ODAD2: variants seen among roughly 807,000 people sequenced by gnomAD.
ODAD2 encodes the protein outer dynein arm docking complex subunit 2.
ODAD2 carries 89 observed loss-of-function variants against 106.8 expected under a neutral mutation model. The ratio of observed to expected loss-of-function variants is 0.83; its 90% CI spans 0.70 to 0.99. The LOEUF is 0.99. ODAD2 is among the 50% of genes least tolerant of loss of function. ODAD2 has a pLI of 0.00. For missense variants in ODAD2, 1,168 were observed against 1,238.5 expected, an observed-to-expected ratio of 0.94 and a Z score of 0.85; for synonymous variants, 404 against 436.2, an observed-to-expected ratio of 0.93 and a Z score of 0.92.
At chr10:27,984,646 A>G (rs10826379) in intron 4 of ODAD2, among the ~76,000 whole-genome samples, 67,403 of 151,892 alleles carry the variant, frequency 0.44, 15,917 homozygotes, top group African/African-American at 0.6. Flanking sequence ...AAATAACAAG[A>G]CCACCTAATG....
In ODAD2 at chr10:27,860,713, T is replaced by C. The variant is rs149687959; in HGVS notation, c.2933A>G (p.Asn978Ser). The stretch of plus-strand genomic sequence containing the variant: ...GGCCTGAGCTGTCGCCCGATGCACG[T>C]TGGTGTCATTTGATTTCAGATAACG... ...LVRYLKSNDT[N>S]VHRATAQALY... The change falls in exon 19 of 20, where the codon AAC (asparagine) becomes AGC (serine). Residue 978 changes from asparagine (N) to serine (S), a missense_variant. Physicochemically the swap from Asn to Ser is conservative, Grantham distance 46 (BLOSUM62 1). Coordinates refer to ENST00000305242, the MANE Select transcript of ODAD2 (RefSeq NM_018076.5). 239 of 1,614,058 alleles carry C rather than the reference T, an allele frequency of 1.5e-4. 2 individuals are homozygous for C. The highest frequency in any genetic ancestry group is 2.6e-4 in the South Asian group (24 of 91,090).
intron 2 of ODAD2, among the ~76,000 whole-genome samples, chr10:27,993,640 ACT>A (rs1451808939): frequency 2.6e-5 from 4 of 152,100 alleles, no homozygotes; most frequent in African/African-American, 9.7e-5. Context: ...AAAGAGCGAG[ACT>A]CTGTCTCCAG....
chr10:27,985,486 T>C (rs1487872288), intron 3 of ODAD2, among the ~76,000 whole-genome samples: 1 of 152,216 alleles, frequency 6.6e-6, no homozygotes, highest in Non-Finnish European at 1.5e-5. Context: ...TCATTCTTTC[T>C]TTTTTAATTG....
At chr10:27,915,342 C>G (rs1029018406) in intron 16 of ODAD2, among the ~76,000 whole-genome samples, 1 of 152,084 alleles carries the variant, frequency 6.6e-6, no homozygotes, top group Non-Finnish European at 1.5e-5. Flanking sequence ...TAAAGGCAGG[C>G]AGATTCAGTG....
chr10:27,822,538 C>T (rs181037676), intron 19 of ODAD2, among the ~76,000 whole-genome samples: 3 of 152,280 alleles, frequency 2.0e-5, no homozygotes, highest in Non-Finnish European at 2.9e-5. Context: ...GGACTGTGTC[C>T]GCCTATGGAA....
At position 27,959,146 on chromosome 10, in the gene ODAD2, G is replaced by A. The variant is rs181504931; in HGVS notation, c.1386+2422C>T. On this transcript the variant is annotated intron_variant, in intron 10 of 19. Transcript: ENST00000305242. ...GAGGCCAGGAGTTCAAGATCAGCCT[G>A]GGAAAGAGAAAAGGAAAGAGGAGAG... 5.7e-3 allele frequency among the ~76,000 whole-genome samples: 779 copies of A among 135,626 alleles called. 6 individuals carry two copies. The highest frequency in any genetic ancestry group is 0.02 in the African/African-American group (728 of 36,238). 89.0% of individuals were successfully genotyped at this position (135,626 alleles called of 152,430 possible). A position where few individuals can be genotyped will look rare whatever the true frequency, so the allele number is the denominator to read the frequency against.
At chr10:27,958,747 A>G (rs1329774326) in intron 10 of ODAD2, 1 of 859,144 alleles carries the variant, frequency 1.2e-6, no homozygotes, top group East Asian at 6.4e-5. Context: ...TATTTCATTT[A>G]ATATTCTTAA....
At chr10:27,906,250 G>A (rs139732355) in intron 17 of ODAD2, among the ~76,000 whole-genome samples, 23,651 of 152,040 alleles carry the variant, frequency 0.16, 1,946 homozygotes, top group Non-Finnish European at 0.17. Context: ...ACCAACAAAC[G>A]TATGAAAAAA....
chr10:27,837,222 G>A (rs562808737), intron 19 of ODAD2, among the ~76,000 whole-genome samples: 16 of 152,314 alleles, frequency 1.1e-4, no homozygotes, highest in African/African-American at 3.1e-4. Context: ...ACATGGTCCC[G>A]TACTGGTCAC....
At chr10:27,861,678 TG>T (rs1840053149) in intron 18 of ODAD2, among the ~76,000 whole-genome samples, 2 of 152,324 alleles carry the variant, frequency 1.3e-5, no homozygotes, top group Admixed American at 1.3e-4. Flanking sequence ...TTTTCCTTTC[TG>T]TATTTTTTGA....
At chr10:27,974,578 T>C (rs117915541) in intron 7 of ODAD2, among the ~76,000 whole-genome samples, 6,549 of 152,228 alleles carry the variant, frequency 0.043, 212 homozygotes, top group South Asian at 0.1. Flanking sequence ...TTCTGTTTCA[T>C]TGGTCTATGT....
At position 27,852,353 on chromosome 10, in the gene ODAD2, C is replaced by G. The variant is rs1439823345; in HGVS notation, c.3021+8272G>C. ...CAAAAACAAGAACAATACAGTTGAGCTTATAACACTTGTATGATAAAAATA... is the reference window on the plus strand; with the variant it reads ...CAAAAACAAGAACAATACAGTTGAGGTTATAACACTTGTATGATAAAAATA... On this transcript the variant is annotated intron_variant, in intron 19 of 19. Transcript: ENST00000305242. 6.6e-5 allele frequency among the ~76,000 whole-genome samples: 10 copies of G among 152,202 alleles called. No homozygotes were observed. The South Asian group carries it at 2.1e-3, about 32-fold the overall frequency.
intron 17 of ODAD2, among the ~76,000 whole-genome samples, chr10:27,890,154 A>G (rs914282504): frequency 2.0e-5 from 3 of 152,180 alleles, no homozygotes; most frequent in African/African-American, 7.2e-5. Flanking sequence ...TGGATGGAAA[A>G]AACAGTGAGG....
At chr10:27,915,448 T>C (rs1462571786) in intron 16 of ODAD2, among the ~76,000 whole-genome samples, 1 of 152,110 alleles carries the variant, frequency 6.6e-6, no homozygotes, top group Admixed American at 6.6e-5. Context: ...GGGACTCTTT[T>C]AAAAGGGCAT....
chr10:27,986,741 A>C (rs1286519275), intron 3 of ODAD2, among the ~76,000 whole-genome samples: 2 of 152,126 alleles, frequency 1.3e-5, no homozygotes, highest in Non-Finnish European at 2.9e-5. Flanking sequence ...TTTACCACAC[A>C]ATTATAGCAG....
chr10:27,895,519 C>A (rs1842804017), intron 17 of ODAD2, among the ~76,000 whole-genome samples: 1 of 152,174 alleles, frequency 6.6e-6, no homozygotes, highest in Admixed American at 6.5e-5. Context: ...GAACCCCTGG[C>A]TTCCAGCTAT....
intron 17 of ODAD2, 101 bp from the exon 18 acceptor site, chr10:27,862,723 G>T: frequency 1.4e-6 from 1 of 706,112 alleles, no homozygotes; most frequent in Non-Finnish European, 2.2e-6. Context: ...GTACATCTTT[G>T]GCATGAAAGA....
chr10:27,993,413 G>A (rs1588676224), intron 2 of ODAD2, among the ~76,000 whole-genome samples: 1 of 152,276 alleles, frequency 6.6e-6, no homozygotes, highest in East Asian at 1.9e-4. Flanking sequence ...ACTTTGGGAG[G>A]CTGAGGCAGG....
chr10:27,887,042 A>G (rs1040263132), intron 17 of ODAD2, among the ~76,000 whole-genome samples: 8 of 152,046 alleles, frequency 5.3e-5, no homozygotes, highest in African/African-American at 1.7e-4. Flanking sequence ...ATGTAAATGG[A>G]ATAAAGTCCC....
Sources: gnomAD v4.1 joint callset for allele counts (sites outside exome capture counted in the v4.1 genomes callset) on GRCh38, gnomAD v4.1.1 for gene constraint, MANE v1.5 for transcripts, NCBI Gene and HGNC (gene_info 2026-07-23, HGNC 2026-07-21) for gene names.